The following PPARGC1A variants were observed in gnomAD, a reference collection of about 807,000 sequenced individuals.
The protein encoded by PPARGC1A is peroxisome proliferator-activated receptor gamma coactivator 1-alpha.
Under a neutral mutation model 88.7 loss-of-function variants are expected in PPARGC1A, and 25 were observed. The ratio of observed to expected loss-of-function variants is 0.28; its 90% CI spans 0.21 to 0.39. The LOEUF (loss-of-function observed/expected upper bound fraction) is 0.39, where lower values mean the gene tolerates loss of function less well. Among genes scored for constraint, PPARGC1A ranks in the 10% least tolerant of loss-of-function variants. The pLI, the probability that PPARGC1A is intolerant of heterozygous loss-of-function variation, is 1.00. For synonymous variants in PPARGC1A, 363 were observed against 355.6 expected (o/e 1.02, Z -0.24); for missense variants, 880 against 968.7 (o/e 0.91, Z 1.22).
the PPARGC1A span, among the ~76,000 whole-genome samples, chr4:24,137,315 T>C: frequency 6.6e-6 from 1 of 151,970 alleles, no homozygotes; most frequent in African/African-American, 2.4e-5. Flanking sequence ...AACACCTTGA[T>C]CTTGGACCTC....
chr4:23,861,502 G>C (rs1249878501), intron 2 of PPARGC1A, among the ~76,000 whole-genome samples: 1 of 152,106 alleles, frequency 6.6e-6, no homozygotes, highest in Non-Finnish European at 1.5e-5. Context: ...AGAAACCAGG[G>C]AGTTGCTAGG....
intron 2 of PPARGC1A, among the ~76,000 whole-genome samples, chr4:23,851,182 T>C (rs1392276433): frequency 6.6e-6 from 1 of 152,190 alleles, no homozygotes; most frequent in Non-Finnish European, 1.5e-5. Context: ...AAAATAATTC[T>C]CATTTTGCAA....
At chr4:23,826,774 T>C (rs1374914844) in intron 5 of PPARGC1A, among the ~76,000 whole-genome samples, 2 of 152,034 alleles carry the variant, frequency 1.3e-5, no homozygotes, top group African/African-American at 4.8e-5. Flanking sequence ...CACAGATATA[T>C]ACCAAATACA....
the PPARGC1A span, among the ~76,000 whole-genome samples, chr4:24,454,762 C>T: frequency 6.6e-6 from 1 of 151,976 alleles, no homozygotes; most frequent in South Asian, 2.1e-4. Context: ...CTGTATTTGA[C>T]ATATTGTGTT....
intron 2 of PPARGC1A, among the ~76,000 whole-genome samples, chr4:23,842,159 T>C (rs1481663808): frequency 6.6e-6 from 1 of 152,266 alleles, no homozygotes; most frequent in East Asian, 1.9e-4. Flanking sequence ...TCAGCTAAAA[T>C]CTAAGGTGGG....
the PPARGC1A span, among the ~76,000 whole-genome samples, chr4:24,394,594 G>T: frequency 6.6e-6 from 1 of 152,302 alleles, no homozygotes; most frequent in African/African-American, 2.4e-5. Context: ...AAAGTAATAG[G>T]AGAAGGGATG....
the PPARGC1A span, among the ~76,000 whole-genome samples, chr4:24,051,690 C>T: frequency 1.3e-5 from 2 of 152,018 alleles, no homozygotes; most frequent in East Asian, 1.9e-4. Flanking sequence ...AGTAAGTGTC[C>T]GGCATGCATG....
the PPARGC1A span, among the ~76,000 whole-genome samples, chr4:23,947,180 A>G: frequency 6.6e-6 from 1 of 151,862 alleles, no homozygotes; most frequent in East Asian, 1.9e-4. Context: ...CCCAATAATA[A>G]TGAAGATGAC....
At chr4:24,195,816 C>A in the PPARGC1A span, among the ~76,000 whole-genome samples, 1 of 152,074 alleles carries the variant, frequency 6.6e-6, no homozygotes, top group Non-Finnish European at 1.5e-5. Flanking sequence ...AGCAAAAGCA[C>A]CAGGTTCACA....
the PPARGC1A span, among the ~76,000 whole-genome samples, chr4:23,967,722 C>A: frequency 1.3e-5 from 2 of 152,130 alleles, no homozygotes; most frequent in African/African-American, 2.4e-5. Flanking sequence ...CTTCTCTCTG[C>A]CTTTTCCTCC....
chr4:23,874,907 C>A, intron 2 of PPARGC1A, among the ~76,000 whole-genome samples: 1 of 152,198 alleles, frequency 6.6e-6, no homozygotes, highest in East Asian at 1.9e-4. Flanking sequence ...AAGAACAACA[C>A]AATTTATCCA....
chr4:24,132,398 TC>T, the PPARGC1A span, among the ~76,000 whole-genome samples: 1 of 151,972 alleles, frequency 6.6e-6, no homozygotes. Context: ...CTGCCTAGAG[TC>T]CCGGTGACTT....
intron 2 of PPARGC1A, among the ~76,000 whole-genome samples, chr4:23,860,460 G>A (rs923051617): frequency 1.3e-5 from 2 of 152,042 alleles, no homozygotes; most frequent in Non-Finnish European, 2.9e-5. Context: ...GATTTTAGGT[G>A]CTCTTACTAC....
the PPARGC1A span, among the ~76,000 whole-genome samples, chr4:24,391,628 G>T: frequency 6.6e-6 from 1 of 152,016 alleles, no homozygotes; most frequent in Non-Finnish European, 1.5e-5. Flanking sequence ...ACTATTAAAA[G>T]GTTGTATTTA....
At position 23,814,253 on chromosome 4, in the gene PPARGC1A, T is replaced by C. The variant is rs1721502714; in HGVS notation, c.1230A>G (p.Leu410=). The change falls in exon 8 of 13, where the codon CTA becomes CTG. Residue 410 remains leucine (L), a synonymous_variant. Transcript: ENST00000264867. The part of the protein sequence containing the change: ...ISQELQDSRQ[L]ENKDVSSDWQ... ...AATCAGAGGAGACATCTTTATTTTCTAGTTGTCTAGAGTCTTGGAGCTCCT... is the reference window on the plus strand; with the variant it reads ...AATCAGAGGAGACATCTTTATTTTCCAGTTGTCTAGAGTCTTGGAGCTCCT... 1.9e-6 allele frequency: 3 copies of C among 1,614,090 alleles called. No individual in the cohort carries two copies. Among genetic ancestry groups the C allele is most frequent in the Non-Finnish European group, 2.5e-6 (3 of 1,179,972 alleles).
chr4:24,440,540 G>A, the PPARGC1A span, among the ~76,000 whole-genome samples: 147 of 152,246 alleles, frequency 9.7e-4, 3 homozygotes, highest in Middle Eastern at 0.014. Flanking sequence ...AGTGGCTCAC[G>A]CTTGTAATCC....
At chr4:24,173,134 C>A in the PPARGC1A span, among the ~76,000 whole-genome samples, 853 of 152,178 alleles carry the variant, frequency 5.6e-3, 36 homozygotes, top group East Asian at 0.1. Context: ...TGCTCTCTGT[C>A]TTTTGAGGTA....
the PPARGC1A span, among the ~76,000 whole-genome samples, chr4:24,313,191 G>A: frequency 5.9e-5 from 9 of 152,164 alleles, no homozygotes; most frequent in African/African-American, 2.2e-4. Flanking sequence ...AGTGCACAAA[G>A]GAGATAGTCA....
the PPARGC1A span, among the ~76,000 whole-genome samples, chr4:23,940,017 C>T: frequency 6.6e-6 from 1 of 152,174 alleles, no homozygotes; most frequent in African/African-American, 2.4e-5. Context: ...ACATATTTCA[C>T]ATCCTTCAAC....
Sources: allele counts gnomAD v4.1 joint callset (sites outside exome capture counted in the v4.1 genomes callset), GRCh38; gene constraint gnomAD v4.1.1; transcripts MANE v1.5; gene names NCBI Gene and HGNC (gene_info 2026-07-23, HGNC 2026-07-21).